NFIB: variants seen among roughly 807,000 people sequenced by gnomAD.
NFIB encodes the protein nuclear factor I B, also known as nuclear factor 1 B-type.
Under a neutral mutation model 61.5 loss-of-function variants are expected in NFIB, and 11 were observed. The ratio of observed to expected loss-of-function variants is 0.18; its 90% CI spans 0.11 to 0.30. The LOEUF is 0.30. NFIB is among the 10% of genes least tolerant of loss of function. The pLI, the probability that NFIB is intolerant of heterozygous loss-of-function variation, is 1.00. For missense variants in NFIB, 471 were observed against 608.9 expected (o/e 0.77, Z 2.38); for synonymous variants, 260 against 216.5 (o/e 1.20, Z -1.76).
intron 2 of NFIB, among the ~76,000 whole-genome samples, chr9:14,192,075 A>G (rs779193404): frequency 1.3e-5 from 2 of 152,198 alleles, no homozygotes; most frequent in Non-Finnish European, 2.9e-5. Context: ...GGGATCATCC[A>G]ATTCTTTGTC....
At chr9:14,522,127 G>A in the NFIB span, among the ~76,000 whole-genome samples, 711 of 152,274 alleles carry the variant, frequency 4.7e-3, 6 homozygotes, top group African/African-American at 0.016. Flanking sequence ...ATTAATTTAT[G>A]ATGGCACAAC....
At position 14,307,686 on chromosome 9, in the gene NFIB, GAAGA is replaced by G. The variant is rs2060087439; in HGVS notation, c.31-170_31-167del. Among the ~76,000 whole-genome samples, 1 of 152,090 alleles carries G rather than the reference GAAGA, an allele frequency of 6.6e-6. No individual in the cohort carries two copies. Among genetic ancestry groups the G allele is most frequent in the Non-Finnish European group, 1.5e-5 (1 of 68,008 alleles). On this transcript the variant is annotated intron_variant, in intron 1 of 10. Transcript: ENST00000380953. This position sits in a 1 kb window ranked among gnomAD's most constrained non-coding sequence, Gnocchi z 5.3. ...TAAAATTATCAAAATAACAGGACAAGAAGAAAGTAAAGTATGCCCAGCTGTCCCC... is the reference window on the plus strand; with the variant it reads ...TAAAATTATCAAAATAACAGGACAAGAAGTAAAGTATGCCCAGCTGTCCCC...
At chr9:14,321,906 A>T (rs1043506712) in intron 1 of NFIB, 96 of 1,231,610 alleles carry the variant, frequency 7.8e-5, no homozygotes, top group Non-Finnish European at 9.5e-5. Flanking sequence ...CGAATAAAAG[A>T]AGCAAACAAA....
intron 2 of NFIB, among the ~76,000 whole-genome samples, chr9:14,222,422 C>A (rs1453848599): frequency 6.6e-6 from 1 of 152,110 alleles, no homozygotes; most frequent in African/African-American, 2.4e-5. Context: ...ATTCATGCAC[C>A]TCAAGCTCCA....
chr9:14,483,973 T>C, the NFIB span, among the ~76,000 whole-genome samples: 1 of 152,224 alleles, frequency 6.6e-6, no homozygotes, highest in Non-Finnish European at 1.5e-5. Context: ...AAATTTAATT[T>C]TGTTGAATTA....
chr9:14,229,558 C>T (rs1044527662), intron 2 of NFIB, among the ~76,000 whole-genome samples: 1 of 152,056 alleles, frequency 6.6e-6, no homozygotes, highest in Admixed American at 6.5e-5. Flanking sequence ...AAGTTTGTGG[C>T]ACATAAAAAA....
At chr9:14,341,831 G>A (rs966464675) in intron 1 of NFIB, among the ~76,000 whole-genome samples, 5 of 151,930 alleles carry the variant, frequency 3.3e-5, no homozygotes, top group African/African-American at 7.3e-5. Flanking sequence ...AGCAACAGTC[G>A]GGCTAGGACA....
intron 1 of NFIB, among the ~76,000 whole-genome samples, chr9:14,379,062 T>G (rs1022270219): frequency 3.3e-5 from 5 of 152,232 alleles, no homozygotes; most frequent in Non-Finnish European, 5.9e-5. Flanking sequence ...TCACAACCTG[T>G]TGATGATGGA....
At chr9:14,342,997 G>C (rs2060970610) in intron 1 of NFIB, among the ~76,000 whole-genome samples, 1 of 151,898 alleles carries the variant, frequency 6.6e-6, no homozygotes, top group African/African-American at 2.4e-5. Flanking sequence ...AGAAAAGGGG[G>C]TGAGGCCAAC....
chr9:14,111,263 T>G (rs951794139), intron 10 of NFIB, among the ~76,000 whole-genome samples: 1 of 152,156 alleles, frequency 6.6e-6, no homozygotes, highest in Non-Finnish European at 1.5e-5. Context: ...AATTCTTATG[T>G]TAATGGACTT....
the NFIB span, among the ~76,000 whole-genome samples, chr9:14,431,699 G>T: frequency 6.6e-6 from 1 of 151,146 alleles, no homozygotes; most frequent in East Asian, 1.9e-4. Context: ...TTATTTGGTA[G>T]AGTCAGGAAG....
chr9:14,218,187 G>GA (rs2051177979), intron 2 of NFIB, among the ~76,000 whole-genome samples: 1 of 152,182 alleles, frequency 6.6e-6, no homozygotes, highest in Non-Finnish European at 1.5e-5. Flanking sequence ...AAATACTGAA[G>GA]AAAAAGGCCA....
chr9:14,528,037 A>G, the NFIB span, among the ~76,000 whole-genome samples: 1 of 152,160 alleles, frequency 6.6e-6, no homozygotes, highest in South Asian at 2.1e-4. Flanking sequence ...AGACCGTAAC[A>G]TATACTAGTT....
chr9:14,099,861 C>T (rs916368590), intron 10 of NFIB, among the ~76,000 whole-genome samples: 1 of 152,086 alleles, frequency 6.6e-6, no homozygotes, highest in African/African-American at 2.4e-5. Flanking sequence ...TCACTTAAGT[C>T]AGGAGTTCCA....
chr9:14,360,501 A>G (rs1209863346), intron 1 of NFIB, among the ~76,000 whole-genome samples: 5 of 152,110 alleles, frequency 3.3e-5, no homozygotes, highest in African/African-American at 1.2e-4. Flanking sequence ...TGGCAAATTG[A>G]ATGATTTGGG....
chr9:14,309,835 AAC>A (rs1204880848), intron 1 of NFIB, among the ~76,000 whole-genome samples: 3 of 152,380 alleles, frequency 2.0e-5, no homozygotes, highest in Non-Finnish European at 2.9e-5. Context: ...ATGACTAAAA[AAC>A]ACACATATAT....
the NFIB span, among the ~76,000 whole-genome samples, chr9:14,424,039 G>A: frequency 1.8e-4 from 28 of 152,074 alleles, 1 homozygote; most frequent in Admixed American, 1.8e-3. Context: ...GGCTGGGTAT[G>A]CTTGCTTGTT....
intron 3 of NFIB, among the ~76,000 whole-genome samples, chr9:14,167,577 T>G (rs766159531): frequency 2.0e-5 from 3 of 152,114 alleles, no homozygotes; most frequent in Non-Finnish European, 2.9e-5. Flanking sequence ...CTCATCTAAC[T>G]GTACACTATA....
chr9:14,452,020 T>G, the NFIB span, among the ~76,000 whole-genome samples: 33 of 152,300 alleles, frequency 2.2e-4, 1 homozygote, highest in South Asian at 6.6e-3. Context: ...TAATCCGGGA[T>G]GTCTGCTCTC....
Sources: allele counts gnomAD v4.1 joint callset (sites outside exome capture counted in the v4.1 genomes callset), GRCh38; gene constraint gnomAD v4.1.1; non-coding constraint Gnocchi (gnomAD v3.1); transcripts MANE v1.5; gene names NCBI Gene and HGNC (gene_info 2026-07-23, HGNC 2026-07-21).